The following EDC3 variants were observed in gnomAD, a reference collection of about 807,000 sequenced individuals.
EDC3 encodes the protein enhancer of mRNA-decapping protein 3.
A neutral mutation model predicts 41.8 loss-of-function variants in EDC3; 20 were observed. That is an observed-to-expected ratio of 0.48 (90% CI 0.34 to 0.70). The LOEUF is 0.70. EDC3 is among the 30% of genes least tolerant of loss of function. The pLI, the probability that EDC3 is intolerant of heterozygous loss-of-function variation, is 0.01. For missense variants in EDC3, 444 were observed against 636.8 expected, an observed-to-expected ratio of 0.70 and a Z score of 3.26; for synonymous variants, 206 against 243.2, an observed-to-expected ratio of 0.85 and a Z score of 1.42.
chr15:74,650,906 G>C (rs938751606), intron 4 of EDC3, among the ~76,000 whole-genome samples: 3 of 152,178 alleles, frequency 2.0e-5, no homozygotes, highest in Admixed American at 6.5e-5. Flanking sequence ...GCTAAGGCAG[G>C]AGAATCACTT....
chr15:74,662,445 T>TTAA (rs1555455100), intron 3 of EDC3, among the ~76,000 whole-genome samples: 4 of 148,072 alleles, frequency 2.7e-5, no homozygotes, highest in African/African-American at 7.6e-5. Context: ...ATTTTTTTTT[T>TTAA]AAAAAGCAAA....
intron 2 of EDC3, among the ~76,000 whole-genome samples, chr15:74,672,563 C>T (rs923395161): frequency 3.9e-5 from 6 of 152,136 alleles, no homozygotes; most frequent in Non-Finnish European, 7.4e-5. Flanking sequence ...TGCCTATAAT[C>T]CCAGCATTTT....
At chr15:74,692,844 G>A (rs2063022735) in intron 1 of EDC3, 1 of 152,134 alleles carries the variant, frequency 6.6e-6, no homozygotes, top group Non-Finnish European at 1.5e-5. Context: ...ATATTTACTT[G>A]TCAGAAATTA....
chr15:74,634,845 G>T (rs1458501806), intron 6 of EDC3, among the ~76,000 whole-genome samples: 1 of 152,070 alleles, frequency 6.6e-6, no homozygotes, highest in Non-Finnish European at 1.5e-5. Flanking sequence ...CACCCAGAAT[G>T]ATCATCTGGA....
chr15:74,687,388 G>C (rs1288344878), intron 1 of EDC3, among the ~76,000 whole-genome samples: 4 of 151,906 alleles, frequency 2.6e-5, no homozygotes, highest in Non-Finnish European at 5.9e-5. Context: ...ATTTATTATA[G>C]AATGAAACAG....
intron 5 of EDC3, 55 bp from the exon 6 acceptor site, chr15:74,635,681 C>A: frequency 6.7e-7 from 1 of 1,502,694 alleles, no homozygotes; most frequent in South Asian, 1.2e-5. Flanking sequence ...ATCCCTTGCA[C>A]CCTATACCAG....
chr15:74,635,094 C>G (rs1034996507), intron 6 of EDC3: 12 of 556,634 alleles, frequency 2.2e-5, no homozygotes, highest in African/African-American at 2.0e-4. Context: ...TTCCTCCTAA[C>G]CAGAATATAA....
At chr15:74,650,863 TG>T (rs2062472331) in intron 4 of EDC3, among the ~76,000 whole-genome samples, 1 of 152,078 alleles carries the variant, frequency 6.6e-6, no homozygotes, top group South Asian at 2.1e-4. Flanking sequence ...CCAGGTGTGG[TG>T]GTGTGTGCCT....
At chr15:74,681,396 C>G (rs2062869003) in intron 1 of EDC3, among the ~76,000 whole-genome samples, 1 of 151,884 alleles carries the variant, frequency 6.6e-6, no homozygotes, top group Non-Finnish European at 1.5e-5. Context: ...CATGATCCAC[C>G]CACCTCAGCC....
intron 1 of EDC3, among the ~76,000 whole-genome samples, chr15:74,679,183 AAG>A (rs2062841668): frequency 6.6e-6 from 1 of 152,036 alleles, no homozygotes; most frequent in Non-Finnish European, 1.5e-5. Flanking sequence ...GTGACAAAGC[AAG>A]ACTCTGTCTC....
intron 3 of EDC3, among the ~76,000 whole-genome samples, chr15:74,663,679 G>T: frequency 1.3e-5 from 1 of 74,898 alleles, no homozygotes; most frequent in East Asian, 3.5e-4. Flanking sequence ...AGCATAGAAA[G>T]AAAACTTTTG....
chr15:74,655,382 T>C (rs1264808345), intron 4 of EDC3, among the ~76,000 whole-genome samples: 2 of 152,178 alleles, frequency 1.3e-5, no homozygotes, highest in East Asian at 3.8e-4. Context: ...TGAAGTCTGG[T>C]GAAATGTATG....
chr15:74,646,985 A>G lies in EDC3; in HGVS notation c.821-6366T>C, dbSNP rs183770451. On this transcript the variant is annotated intron_variant, in intron 4 of 6. Coordinates refer to ENST00000315127, the MANE Select transcript of EDC3 (RefSeq NM_025083.5). ...TCTGCATATTAAATTAGAAAAAATG[A>G]CCTCCCTAGTCCTTTCCAGACCTTT... Among the ~76,000 whole-genome samples the G allele has an allele frequency of 8.6e-3, 1,287 of 148,790 alleles. 11 individuals are homozygous for G. Among genetic ancestry groups the G allele is most frequent in the Non-Finnish European group, 0.013 (862 of 67,242 alleles).
At chr15:74,648,099 G>T (rs545282078) in intron 4 of EDC3, among the ~76,000 whole-genome samples, 1 of 152,296 alleles carries the variant, frequency 6.6e-6, no homozygotes, top group South Asian at 2.1e-4. Context: ...CTCTCAATGG[G>T]AAGAATTATC....
At chr15:74,649,782 C>T (rs1049855851) in intron 4 of EDC3, among the ~76,000 whole-genome samples, 7 of 151,750 alleles carry the variant, frequency 4.6e-5, no homozygotes, top group Admixed American at 4.6e-4. Context: ...ACTCCCACAT[C>T]TCCCTATCCC....
chr15:74,658,215 G>C (rs2062574611), intron 3 of EDC3, among the ~76,000 whole-genome samples: 1 of 152,102 alleles, frequency 6.6e-6, no homozygotes, highest in Admixed American at 6.6e-5. Flanking sequence ...GAAAGACTGG[G>C]CTCTTCAATT....
chr15:74,646,567 G>A (rs2062421939), intron 4 of EDC3, among the ~76,000 whole-genome samples: 1 of 152,190 alleles, frequency 6.6e-6, no homozygotes, highest in Non-Finnish European at 1.5e-5. Flanking sequence ...TAGTCACAAT[G>A]AATAGAAGAG....
At chr15:74,684,084 G>GTTTTTTT (rs58548595) in intron 1 of EDC3, among the ~76,000 whole-genome samples, 5 of 103,050 alleles carry the variant, frequency 4.9e-5, no homozygotes, top group Non-Finnish European at 8.0e-5. Context: ...TTTTGTTTCT[G>GTTTTTTT]TTTTTTTTTT....
intron 1 of EDC3, among the ~76,000 whole-genome samples, chr15:74,682,347 G>T (rs891027357): frequency 6.6e-6 from 1 of 151,792 alleles, no homozygotes; most frequent in Non-Finnish European, 1.5e-5. Context: ...GGCTGGGCAC[G>T]GTGGCTCACG....
Sources: gnomAD v4.1 joint callset for allele counts (sites outside exome capture counted in the v4.1 genomes callset) on GRCh38, gnomAD v4.1.1 for gene constraint, MANE v1.5 for transcripts, NCBI Gene and HGNC (gene_info 2026-07-23, HGNC 2026-07-21) for gene names.